The following XIRP2 variants were observed in gnomAD, a reference collection of about 807,000 sequenced individuals.
The protein encoded by XIRP2 is xin actin binding repeat containing 2, also known as xin actin-binding repeat-containing protein 2.
A neutral mutation model predicts 277.0 loss-of-function variants in XIRP2; 236 were observed. That is an observed-to-expected ratio of 0.85 (90% CI 0.77 to 0.95). XIRP2 has a LOEUF of 0.95. Ranked by LOEUF, XIRP2 falls within the 40% of genes least tolerant of loss-of-function variation. The pLI, the probability that XIRP2 is intolerant of heterozygous loss-of-function variation, is 0.00. For synonymous variants in XIRP2, 1,490 were observed against 1,416.5 expected (o/e 1.05, Z -1.17); for missense variants, 4,640 against 4,157.5 (o/e 1.12, Z -3.19).
intron 9 of XIRP2, among the ~76,000 whole-genome samples, chr2:167,253,688 T>C (rs1695578360): frequency 6.6e-6 from 1 of 151,602 alleles, no homozygotes; most frequent in Admixed American, 6.6e-5. Context: ...TTTATATGTA[T>C]ATATATATAA....
At chr2:166,944,168 A>G (rs1049237604) in intron 2 of XIRP2, among the ~76,000 whole-genome samples, 3 of 152,186 alleles carry the variant, frequency 2.0e-5, no homozygotes, top group Non-Finnish European at 4.4e-5. Context: ...AGTTCATTGA[A>G]TGTAATCTGT....
intron 2 of XIRP2, among the ~76,000 whole-genome samples, chr2:167,093,676 A>C (rs1426554156): frequency 6.6e-6 from 1 of 152,102 alleles, no homozygotes; most frequent in African/African-American, 2.4e-5. Flanking sequence ...ATGGTATTCC[A>C]TGGTGTATAT....
At chr2:167,214,226 G>GAGGGAGGAAGGAAGGAAGGA (rs1323240476) in intron 4 of XIRP2, among the ~76,000 whole-genome samples, 6 of 67,332 alleles carry the variant, frequency 8.9e-5, no homozygotes, top group East Asian at 5.4e-4. Flanking sequence ...GGGAGGGAGG[G>GAGGGAGGAAGGAAGGAAGGA]AGGAAGGAAG....
Position 167,242,854 on chromosome 2 carries a change from G to A in XIRP2, c.1462G>A (p.Val488Ile), listed in dbSNP as rs201311628. The A allele has an allele frequency of 2.7e-5, 44 of 1,613,938 alleles. No individual in the cohort carries two copies. The highest frequency in any genetic ancestry group is 3.6e-5 in the Non-Finnish European group (43 of 1,179,994). Reference sequence around the variant, plus strand: ...TAGAAGACTACCAGTCCCCAAAGATGTATATTCCAAGCAAAGAAATTTGTA... The same window carrying A: ...TAGAAGACTACCAGTCCCCAAAGATATATATTCCAAGCAAAGAAATTTGTA... Reference protein sequence around the residue: ...PPRRLPVPKDVYSKQRNLYEL... With the variant: ...PPRRLPVPKDIYSKQRNLYEL... The change falls in exon 9 of 11, where the codon GTA becomes ATA. Residue 488 changes from valine to isoleucine, a missense_variant. Coordinates refer to ENST00000409195, the MANE Select transcript of XIRP2 (RefSeq NM_152381.6).
chr2:167,183,915 G>A (rs78676416), intron 3 of XIRP2, among the ~76,000 whole-genome samples: 6,072 of 152,242 alleles, frequency 0.04, 131 homozygotes, highest in Non-Finnish European at 0.051. Context: ...GCAGAGAGGC[G>A]CTGACCGCCT....
At chr2:166,994,901 GA>G (rs1687172570) in intron 2 of XIRP2, among the ~76,000 whole-genome samples, 1 of 151,304 alleles carries the variant, frequency 6.6e-6, no homozygotes, top group Non-Finnish European at 1.5e-5. Context: ...GTAAAAATGA[GA>G]AAAATGTGGG....
intron 2 of XIRP2, among the ~76,000 whole-genome samples, chr2:166,977,479 C>G (rs1239919950): frequency 6.6e-6 from 1 of 152,094 alleles, no homozygotes; most frequent in Non-Finnish European, 1.5e-5. Context: ...AAATATCCAT[C>G]ATATCAATTG....
intron 3 of XIRP2, among the ~76,000 whole-genome samples, chr2:167,191,115 G>A (rs886683284): frequency 6.6e-6 from 1 of 151,246 alleles, no homozygotes; most frequent in South Asian, 2.1e-4. Flanking sequence ...GAATCTAGGA[G>A]GTTGAGGCTG....
chr2:167,143,796 C>A lies in XIRP2; in HGVS notation c.562+7734C>A, dbSNP rs888691951. On this transcript the variant is annotated intron_variant, in intron 3 of 10. Transcript: ENST00000409195. ...ACTTTTCACCATCGTAAAAAAAAAA[C>A]CACAATATTCTAGAGAAACCCTGTG... 5.9e-5 allele frequency among the ~76,000 whole-genome samples: 9 copies of A among 151,530 alleles called. No individual in the cohort carries two copies. In the South Asian group the frequency reaches 6.2e-4, roughly 11 times the overall value.
At chr2:167,141,727 G>A (rs1008742873) in intron 3 of XIRP2, among the ~76,000 whole-genome samples, 1 of 151,972 alleles carries the variant, frequency 6.6e-6, no homozygotes, top group South Asian at 2.1e-4. Flanking sequence ...CTGGGCTTGC[G>A]GCACATACCT....
At position 167,244,284 on chromosome 2, in the gene XIRP2, T is replaced by C. The variant is rs1254565241; in HGVS notation, c.2892T>C (p.His964=). 1.9e-6 allele frequency: 3 copies of C among 1,613,806 alleles called. No individual in the cohort carries two copies. Among genetic ancestry groups the C allele is most frequent in the Non-Finnish European group, 2.5e-6 (3 of 1,179,850 alleles). Residue 964 remains histidine, a synonymous_variant, in exon 9 of 11, where the codon CAT becomes CAC. Coordinates refer to ENST00000409195, the MANE Select transcript of XIRP2 (RefSeq NM_152381.6). ...SNNLIKFDAS[H]KIEVEGVTRG... ...ATTTAATTAAATTTGATGCATCACA[T>C]AAAATAGAGGTGGAAGGAGTTACAA...
intron 2 of XIRP2, among the ~76,000 whole-genome samples, chr2:166,941,545 G>C (rs543543772): frequency 1.3e-5 from 2 of 152,186 alleles, no homozygotes; most frequent in Non-Finnish European, 2.9e-5. Flanking sequence ...CTCACACTGG[G>C]AGCTGTAGAC....
chr2:167,209,362 T>G (rs113115628), intron 3 of XIRP2, among the ~76,000 whole-genome samples: 8 of 152,268 alleles, frequency 5.3e-5, no homozygotes, highest in African/African-American at 1.9e-4. Flanking sequence ...TTGAAGATGC[T>G]AATAGAAAAA....
chr2:167,174,418 T>C (rs552135036), intron 3 of XIRP2, among the ~76,000 whole-genome samples: 1 of 152,336 alleles, frequency 6.6e-6, no homozygotes, highest in African/African-American at 2.4e-5. Flanking sequence ...GTTTATAATA[T>C]TCTCTGATGG....
At position 166,986,093 on chromosome 2, in the gene XIRP2, T is replaced by C. The variant is rs138558037; in HGVS notation, c.408+82203T>C. On this transcript the variant is annotated intron_variant, in intron 2 of 10. Coordinates refer to ENST00000409195, the MANE Select transcript of XIRP2 (RefSeq NM_152381.6). ...CAAGACCGCCTAGCTGCATTGGTAT[T>C]CTCTACCTCTGACAGAGGAGGTTTG... Among the ~76,000 whole-genome samples the C allele has an allele frequency of 5.5e-3, 842 of 152,312 alleles. 7 individuals carry two copies. The highest frequency in any genetic ancestry group is 7.7e-3 in the Non-Finnish European group (523 of 68,028).
intron 2 of XIRP2, among the ~76,000 whole-genome samples, chr2:167,062,668 T>G (rs1689201592): frequency 6.6e-6 from 1 of 152,164 alleles, no homozygotes; most frequent in African/African-American, 2.4e-5. Context: ...GGAAAAGTTT[T>G]TACTACGATG....
At chr2:167,087,604 C>T (rs1354185807) in intron 2 of XIRP2, among the ~76,000 whole-genome samples, 4 of 146,300 alleles carry the variant, frequency 2.7e-5, no homozygotes, top group East Asian at 2.0e-4. Flanking sequence ...ACTCCATGGG[C>T]GTAGGACCCT....
chr2:167,012,300 G>T (rs1687703125), intron 2 of XIRP2, among the ~76,000 whole-genome samples: 1 of 151,760 alleles, frequency 6.6e-6, no homozygotes, highest in Non-Finnish European at 1.5e-5. Context: ...CTTTATTTCT[G>T]CCTTCACTTC....
At chr2:166,963,940 T>A (rs1686362044) in intron 2 of XIRP2, among the ~76,000 whole-genome samples, 1 of 151,750 alleles carries the variant, frequency 6.6e-6, no homozygotes, top group Admixed American at 6.6e-5. Flanking sequence ...ACTGTCCAGG[T>A]GAAGACATGG....
Sources: allele counts gnomAD v4.1 joint callset (sites outside exome capture counted in the v4.1 genomes callset), GRCh38; gene constraint gnomAD v4.1.1; transcripts MANE v1.5; gene names NCBI Gene and HGNC (gene_info 2026-07-23, HGNC 2026-07-21).